Variants in ONECUT1 observed in about 807,000 individuals in gnomAD.
ONECUT1 encodes hepatocyte nuclear factor 6.
Under a neutral mutation model 25.6 loss-of-function variants are expected in ONECUT1, and 12 were observed. That is an observed-to-expected ratio of 0.47 (90% CI 0.30 to 0.76). The LOEUF (loss-of-function observed/expected upper bound fraction) is 0.76. Ranked by LOEUF, ONECUT1 falls within the 30% of genes least tolerant of loss-of-function variation. The probability of loss-of-function intolerance (pLI) is 0.07; values close to 1 mark genes in which losing one functional copy is unlikely to be tolerated. For synonymous variants in ONECUT1, 285 were observed against 270.2 expected, an observed-to-expected ratio of 1.05 and a Z score of -0.54; for missense variants, 620 against 651.2, an observed-to-expected ratio of 0.95 and a Z score of 0.52.
chr15:52,766,785 G>T (rs754427458), intron 1 of ONECUT1, among the ~76,000 whole-genome samples: 1 of 152,218 alleles, frequency 6.6e-6, no homozygotes, highest in Non-Finnish European at 1.5e-5. Context: ...GGTCGGGAAA[G>T]TCATTGGAGC....
At chr15:52,772,837 T>C (rs898576521) in intron 1 of ONECUT1, among the ~76,000 whole-genome samples, 2 of 152,244 alleles carry the variant, frequency 1.3e-5, no homozygotes, top group Non-Finnish European at 2.9e-5. Context: ...TTTAGGGTTG[T>C]TACATTTAGA....
Position 52,789,605 on chromosome 15 carries a change from G to C in ONECUT1, c.280C>G (p.Pro94Ala). The C allele has an allele frequency of 6.4e-7, 1 of 1,566,750 alleles. No individual in the cohort carries two copies. Among genetic ancestry groups the C allele is most frequent in the Non-Finnish European group, 8.7e-7 (1 of 1,153,682 alleles). ...GTGGTGGGCATGCTCATACCTGGGG[G>C]AGTCTCGCAGGCCATGGTCATGGTG... ...HPTMTMACET[P>A]PGMSMPTTYT... The change falls in exon 1 of 2, where the codon CCC becomes GCC. Residue 94 changes from proline (P) to alanine (A), a missense_variant. By Grantham distance (27) the Pro-to-Ala change is conservative (BLOSUM62 -1). Transcript: ENST00000305901. The surrounding 1 kb of genome is among the most constrained non-coding windows in gnomAD (Gnocchi z 4.1).
chr15:52,786,210 C>A (rs942910762), intron 1 of ONECUT1, among the ~76,000 whole-genome samples: 13 of 152,190 alleles, frequency 8.5e-5, no homozygotes, highest in Admixed American at 7.9e-4. Context: ...AGAAAATAAC[C>A]CCACTCTTTT....
rs2083884357 is a variant in ONECUT1 at position 52,787,545 on chromosome 15, A to G, written c.1105+1235T>C. ...ACGAATTAATGGAGAACGATCAGTT[A>G]ATTAACAAACCCTCATTCCGGCTTT... On this transcript the variant is annotated intron_variant, in intron 1 of 1. Transcript: ENST00000305901. Among the ~76,000 whole-genome samples, 9 of 151,476 alleles carry G rather than the reference A, an allele frequency of 5.9e-5. No individual in the cohort carries two copies. The South Asian group carries it at 1.9e-3, about 32-fold the overall frequency.
Position 52,757,527 on chromosome 15 carries a change from A to T in ONECUT1, c.*28T>A, listed in dbSNP as rs2083680224. ...ATTTTTTTTAATTTAAAGCTTTTCC[A>T]CCGAGGTTTTAGTTTGTGGTTCTTC... On this transcript the variant is annotated 3_prime_UTR_variant, in exon 2 of 2. Coordinates refer to ENST00000305901, the MANE Select transcript of ONECUT1 (RefSeq NM_004498.4). The T allele has an allele frequency of 6.4e-7, 1 of 1,572,744 alleles. No homozygotes were observed. Among genetic ancestry groups the T allele is most frequent in the South Asian group, 1.2e-5 (1 of 83,906 alleles).
intron 1 of ONECUT1, chr15:52,785,900 T>A (rs1035998507): frequency 6.6e-6 from 1 of 152,076 alleles, no homozygotes; most frequent in African/African-American, 2.4e-5. Context: ...TGCAAGAGGG[T>A]TTTGACCCTC....
In ONECUT1 at chr15:52,789,157, G is replaced by T. The variant is rs145712470; in HGVS notation, c.728C>A (p.Pro243His). ...ATGGTGCGGAGGAAGGCCGTTGATG[G>T]GCACCATGCCGGCCGAGGTGGGCGT... ...HLTPTSAGMV[P>H]INGLPPHHPH... is the part of the protein sequence containing the mutation. The change falls in exon 1 of 2, where the codon CCC becomes CAC. Residue 243 changes from proline (P) to histidine (H), a missense_variant. By Grantham distance (77) the Pro-to-His change is moderately conservative. Around this residue, in one of 4 missense-constraint regions of ONECUT1, gnomAD observed 440 missense variants for 404.9 expected, o/e 1.09. Transcript: ENST00000305901. The surrounding 1 kb of genome is among the most constrained non-coding windows in gnomAD (Gnocchi z 4.1). 222 of 1,593,724 alleles carry T rather than the reference G, an allele frequency of 1.4e-4. No homozygotes were observed. Among genetic ancestry groups the T allele is most frequent in the Non-Finnish European group, 1.8e-4 (215 of 1,174,702 alleles).
rs182351656 is a variant in ONECUT1, at chr15:52,777,819, C to T, written c.1105+10961G>A. Among the ~76,000 whole-genome samples, 137 of 152,086 alleles carry T rather than the reference C, an allele frequency of 9.0e-4. 1 individual carries two copies. Among genetic ancestry groups the T allele is most frequent in the African/African-American group, 3.1e-3 (130 of 41,436 alleles). ...AAAATTGTGTTGTACATTCCATTCCCGGTCCTGAGCACGGAACTTGCTACA... is the reference window on the plus strand; with the variant it reads ...AAAATTGTGTTGTACATTCCATTCCTGGTCCTGAGCACGGAACTTGCTACA... On this transcript the variant is annotated intron_variant, in intron 1 of 1. Transcript: ENST00000305901.
At chr15:52,779,393 G>A (rs578116017) in intron 1 of ONECUT1, among the ~76,000 whole-genome samples, 5 of 151,934 alleles carry the variant, frequency 3.3e-5, no homozygotes, top group African/African-American at 1.2e-4. Flanking sequence ...TGGCCGACCA[G>A]TTTATTTAAA....
chr15:52,769,572 G>C (rs950392648), intron 1 of ONECUT1, among the ~76,000 whole-genome samples: 1 of 152,224 alleles, frequency 6.6e-6, no homozygotes, highest in African/African-American at 2.4e-5. Flanking sequence ...GTCAGTAAAG[G>C]TTGGCTGAGT....
chr15:52,776,522 TCTTC>T (rs1299249062), intron 1 of ONECUT1, among the ~76,000 whole-genome samples: 2 of 152,236 alleles, frequency 1.3e-5, no homozygotes, highest in African/African-American at 4.8e-5. Flanking sequence ...CCTCCCATTA[TCTTC>T]CTCTCCAGCA....
intron 1 of ONECUT1, among the ~76,000 whole-genome samples, chr15:52,780,353 T>C (rs1192610125): frequency 6.6e-6 from 1 of 152,242 alleles, no homozygotes; most frequent in African/African-American, 2.4e-5. Context: ...CCCCTTTTAA[T>C]GAGCTGGTAG....
intron 1 of ONECUT1, among the ~76,000 whole-genome samples, chr15:52,776,460 A>C (rs1429160780): frequency 6.6e-6 from 1 of 152,188 alleles, no homozygotes; most frequent in Non-Finnish European, 1.5e-5. Flanking sequence ...AATGACATAT[A>C]ATCAGACCCT....
At chr15:52,762,642 T>A (rs898844232) in intron 1 of ONECUT1, among the ~76,000 whole-genome samples, 1 of 152,110 alleles carries the variant, frequency 6.6e-6, no homozygotes, top group Non-Finnish European at 1.5e-5. Context: ...GGCAGATCAG[T>A]ATCCACGTGG....
At chr15:52,776,184 C>T (rs1316729703) in intron 1 of ONECUT1, among the ~76,000 whole-genome samples, 1 of 152,242 alleles carries the variant, frequency 6.6e-6, no homozygotes, top group Non-Finnish European at 1.5e-5. Flanking sequence ...AACAATCTAA[C>T]TGATTGGATG....
At chr15:52,764,427 T>A (rs1283104553) in intron 1 of ONECUT1, among the ~76,000 whole-genome samples, 2 of 152,192 alleles carry the variant, frequency 1.3e-5, no homozygotes, top group Admixed American at 1.3e-4. Context: ...AGAGAAGCCA[T>A]CGTATTCCAT....
intron 1 of ONECUT1, among the ~76,000 whole-genome samples, chr15:52,774,714 T>A (rs967410303): frequency 6.6e-6 from 1 of 152,222 alleles, no homozygotes; most frequent in Non-Finnish European, 1.5e-5. Flanking sequence ...ACTAAGGCTA[T>A]GTCATGACAA....
At chr15:52,774,809 T>C (rs145379502) in intron 1 of ONECUT1, among the ~76,000 whole-genome samples, 45 of 152,340 alleles carry the variant, frequency 3.0e-4, no homozygotes, top group African/African-American at 1.1e-3. Context: ...AGGGTAGTGC[T>C]CCAAAATGAT....
chr15:52,775,990 C>G (rs2083797538), intron 1 of ONECUT1, among the ~76,000 whole-genome samples: 1 of 152,344 alleles, frequency 6.6e-6, no homozygotes, highest in Middle Eastern at 3.4e-3. Flanking sequence ...GGGCTAACCC[C>G]TTCCACTGGT....
Sources: gnomAD v4.1 joint callset for allele counts (sites outside exome capture counted in the v4.1 genomes callset) on GRCh38, gnomAD v4.1.1 for gene constraint, gnomAD v4.1.1 regional missense constraint, Gnocchi (gnomAD v3.1) non-coding constraint, MANE v1.5 for transcripts, NCBI Gene and HGNC (gene_info 2026-07-23, HGNC 2026-07-21) for gene names.